C5orf22: variants seen among roughly 807,000 people sequenced by gnomAD.
The protein encoded by C5orf22 is UPF0489 protein C5orf22.
In C5orf22, 36 loss-of-function variants were observed where a neutral mutation model predicts 48.7. That is an observed-to-expected ratio of 0.74 (90% CI 0.57 to 0.98). C5orf22 has a LOEUF of 0.98. C5orf22 is among the 50% of genes least tolerant of loss of function. The pLI is 0.00. For missense variants in C5orf22, 486 were observed against 521.9 expected, an observed-to-expected ratio of 0.93 and a Z score of 0.67; for synonymous variants, 141 against 180.8, an observed-to-expected ratio of 0.78 and a Z score of 1.76.
At position 31,538,274 on chromosome 5, in the gene C5orf22, A is replaced by C. The variant is rs767150339; in HGVS notation, c.392A>C (p.Asp131Ala). 4 of 1,599,196 alleles carry C rather than the reference A, an allele frequency of 2.5e-6. No homozygotes were observed. In the South Asian group the frequency reaches 3.3e-5, roughly 13 times the overall value. ...STTTIRVTSTDHYFLSDGLYV... is the reference protein window; with the variant it reads ...STTTIRVTSTAHYFLSDGLYV... ...CTCTGATTCAGGGTTACAAGTACAGATCATTATTTCCTAAGTGATGGTCTG... is the reference window on the plus strand; with the variant it reads ...CTCTGATTCAGGGTTACAAGTACAGCTCATTATTTCCTAAGTGATGGTCTG... The change falls in exon 4 of 9, where the codon GAT becomes GCT. Residue 131 changes from aspartate (D) to alanine (A), a missense_variant. Physicochemically the swap from Asp to Ala is moderately radical, Grantham distance 126. Coordinates refer to ENST00000325366, the MANE Select transcript of C5orf22 (RefSeq NM_018356.3).
intron 7 of C5orf22, among the ~76,000 whole-genome samples, chr5:31,546,994 C>G (rs1742925910): frequency 6.6e-6 from 1 of 152,210 alleles, no homozygotes; most frequent in African/African-American, 2.4e-5. Context: ...AGTCCAACAT[C>G]TCATCTGAGA....
At chr5:31,540,103 A>G (rs756440353) in intron 4 of C5orf22, among the ~76,000 whole-genome samples, 2 of 152,196 alleles carry the variant, frequency 1.3e-5, no homozygotes, top group Admixed American at 6.5e-5. Context: ...TGTTAACTCT[A>G]CTGCTTATTA....
At chr5:31,545,557 G>C in intron 6 of C5orf22, 89 bp from the exon 7 acceptor site, 1 of 864,108 alleles carries the variant, frequency 1.2e-6, no homozygotes, top group Non-Finnish European at 2.0e-6. Context: ...ATGTTATTAT[G>C]GTAAATGTTA....
Position 31,534,367 on chromosome 5 carries a change from TC to T in C5orf22, c.179del (p.Pro60LeufsTer2). Reference sequence around the variant, plus strand: ...TCGACTCACATCCAGACCTCCTTATTCCTGTGAATATGCCAGCAGACACCGT... The same window carrying T: ...TCGACTCACATCCAGACCTCCTTATTCTGTGAATATGCCAGCAGACACCGT... ...HFDSHPDLLI[P>X]VNMPADTVFD... On this transcript the variant is annotated frameshift_variant, in exon 2 of 9. Transcript: ENST00000325366. LOFTEE classifies it high-confidence loss of function. 1 of 1,613,852 alleles carries T rather than the reference TC, an allele frequency of 6.2e-7. No individual in the cohort carries two copies.
chr5:31,545,635 CT>C lies in C5orf22; in HGVS notation c.993-5del. ...TGTGATGTTTAATTGAGTGGGATGG[CT>C]TTTTTCCAGAATGGAATCACTAGTT... On this transcript the variant is annotated splice_polypyrimidine_tract_variant and intron_variant, in intron 6 of 8. Transcript: ENST00000325366. 6.2e-7 allele frequency: 1 copy of C among 1,606,222 alleles called. No homozygotes were observed. Among genetic ancestry groups the C allele is most frequent in the Non-Finnish European group, 8.5e-7 (1 of 1,174,180 alleles).
intron 3 of C5orf22, among the ~76,000 whole-genome samples, chr5:31,536,152 A>G (rs1371052939): frequency 6.6e-6 from 1 of 152,160 alleles, no homozygotes; most frequent in African/African-American, 2.4e-5. Flanking sequence ...TTGGTGATTA[A>G]CTCCTTAAGC....
At chr5:31,534,844 C>T in intron 2 of C5orf22, 1 of 341,762 alleles carries the variant, frequency 2.9e-6, no homozygotes, top group Non-Finnish European at 5.7e-6. Context: ...AGCTGCTGCA[C>T]TCCAGACTGG....
rs146743868 is a variant in C5orf22, at chr5:31,550,813, C to G, written c.1060-480C>G. On this transcript the variant is annotated intron_variant, in intron 7 of 8. Coordinates refer to ENST00000325366, the MANE Select transcript of C5orf22 (RefSeq NM_018356.3). ...CCGACCTCAGGTGATCCGCCTGTCT[C>G]AGCCTCCCAAAGTGCTGGGATTACA... is the stretch of plus-strand genomic sequence containing the variant. Among the ~76,000 whole-genome samples, 732 of 152,266 alleles carry G rather than the reference C, an allele frequency of 4.8e-3. 8 individuals carry two copies. Among genetic ancestry groups the G allele is most frequent in the African/African-American group, 0.017 (694 of 41,560 alleles).
intron 3 of C5orf22, among the ~76,000 whole-genome samples, chr5:31,536,536 AAAAC>A (rs376350620): frequency 1.4e-4 from 21 of 151,766 alleles, no homozygotes; most frequent in African/African-American, 3.4e-4. Flanking sequence ...AACAAAACAA[AAAAC>A]AAACAAACAA....
Position 31,532,396 on chromosome 5 carries a change from A to C in C5orf22, c.4A>C (p.Ser2Arg). 1 of 1,613,898 alleles carries C rather than the reference A, an allele frequency of 6.2e-7. No individual in the cohort carries two copies. Among genetic ancestry groups the C allele is most frequent in the Non-Finnish European group, 8.5e-7 (1 of 1,179,932 alleles). ...CAAAACTGACGGGCGCAAAAACATG[A>C]GTGACTCCGCGGGAGGGCGCGCTGG... M[S>R]DSAGGRAGLR... Residue 2 changes from serine (S) to arginine (R), a missense_variant, in exon 1 of 9, where the codon AGT (serine) becomes CGT (arginine). Ser to Arg is a moderately radical substitution (Grantham distance 110). Transcript: ENST00000325366.
intron 7 of C5orf22, among the ~76,000 whole-genome samples, chr5:31,546,439 C>T (rs1742883814): frequency 6.6e-6 from 1 of 152,182 alleles, no homozygotes; most frequent in African/African-American, 2.4e-5. Context: ...TACAGTCAGA[C>T]CACTGTGTTT....
intron 1 of C5orf22, 147 bp downstream of exon 1, chr5:31,532,620 C>T: frequency 1.6e-6 from 1 of 638,896 alleles, no homozygotes; most frequent in Middle Eastern, 3.1e-4. Context: ...GAGAGGACCC[C>T]AAAACAGCTA....
Position 31,551,332 on chromosome 5 carries a change from C to T in C5orf22, c.1099C>T (p.Pro367Ser), listed in dbSNP as rs1000448397. The change falls in exon 8 of 9, where the codon CCT becomes TCT. Residue 367 changes from proline (P) to serine (S), a missense_variant. By Grantham distance (74) the Pro-to-Ser change is moderately conservative. Transcript: ENST00000325366. ...AGLTCDYSELPHHISTEQEIE... is the reference protein window; with the variant it reads ...AGLTCDYSELSHHISTEQEIE... ...TTTAACCTGCGATTATTCAGAACTT[C>T]CTCACCATATCAGCACAGAACAAGA... is the stretch of plus-strand genomic sequence containing the variant. 16 of 1,613,364 alleles carry T rather than the reference C, an allele frequency of 9.9e-6. No individual in the cohort carries two copies. The highest frequency in any genetic ancestry group is 2.2e-5 in the East Asian group (1 of 44,868).
rs909544995 is a variant in C5orf22 at position 31,553,087 on chromosome 5, A to T, written c.*185A>T. Reference sequence around the variant, plus strand: ...AATGATGGTAAATTTTTTGGCATCAAGTCTCATAACCCCAACTGATAGAAC... The same window carrying T: ...AATGATGGTAAATTTTTTGGCATCATGTCTCATAACCCCAACTGATAGAAC... On this transcript the variant is annotated 3_prime_UTR_variant, in exon 9 of 9. Coordinates refer to ENST00000325366, the MANE Select transcript of C5orf22 (RefSeq NM_018356.3). 36 of 508,980 alleles carry T rather than the reference A, an allele frequency of 7.1e-5. 1 individual carries two copies. In the Admixed American group the frequency reaches 1.2e-3, roughly 17 times the overall value. The allele number at this position is 508,980 out of a possible 1,614,324, so 31.5% of individuals were successfully genotyped here.
chr5:31,532,536 A>T (rs1484988271), intron 1 of C5orf22, 63 bp downstream of exon 1: 1 of 1,391,442 alleles, frequency 7.2e-7, no homozygotes, highest in East Asian at 2.3e-5. Context: ...TCAGAGGGCC[A>T]AGCAGAGGGC....
chr5:31,552,883 CAG>C lies in C5orf22; in HGVS notation c.1313_1314del (p.Glu438ValfsTer11). 4 of 1,613,744 alleles carry C rather than the reference CAG, an allele frequency of 2.5e-6. No homozygotes were observed. The highest frequency in any genetic ancestry group is 1.1e-5 in the South Asian group (1 of 91,066). On this transcript the variant is annotated frameshift_variant, in exon 9 of 9. Coordinates refer to ENST00000325366, the MANE Select transcript of C5orf22 (RefSeq NM_018356.3). LOFTEE classifies it high-confidence loss of function. ...AATCTAGACCTCCAAGTGTATGCAG[CAG>C]AGTCTCCTCCATCTTGAAACAAACA...
chr5:31,548,131 G>A (rs913395314), intron 7 of C5orf22, among the ~76,000 whole-genome samples: 18 of 152,000 alleles, frequency 1.2e-4, no homozygotes, highest in African/African-American at 4.4e-4. Context: ...TTGAAACCCC[G>A]TCTCTACTAA....
intron 2 of C5orf22, 104 bp from the exon 3 acceptor site, chr5:31,535,640 G>T: frequency 1.2e-6 from 1 of 847,054 alleles, no homozygotes. Context: ...CCACTCTAGG[G>T]ACCACACTTT....
intron 7 of C5orf22, among the ~76,000 whole-genome samples, chr5:31,549,565 A>G (rs920302774): frequency 2.6e-5 from 4 of 152,162 alleles, no homozygotes; most frequent in Non-Finnish European, 5.9e-5. Flanking sequence ...AGATCGTTAT[A>G]AGATACTTAA....
Sources: allele counts gnomAD v4.1 joint callset (sites outside exome capture counted in the v4.1 genomes callset), GRCh38; gene constraint gnomAD v4.1.1; transcripts MANE v1.5; gene names NCBI Gene and HGNC (gene_info 2026-07-23, HGNC 2026-07-21).